Variants in DDC observed in about 807,000 individuals in gnomAD.
DDC encodes the protein dopa decarboxylase.
DDC carries 43 observed loss-of-function variants against 60.0 expected under a neutral mutation model. That is an observed-to-expected ratio of 0.72 (90% confidence interval 0.56 to 0.92). The LOEUF is 0.92. DDC is among the 40% of genes least tolerant of loss of function. DDC has a pLI of 0.00. For synonymous variants in DDC, 232 were observed against 234.6 expected (o/e 0.99, Z 0.10); for missense variants, 573 against 620.2 (o/e 0.92, Z 0.81).
intron 4 of DDC, among the ~76,000 whole-genome samples, chr7:50,534,722 G>T (rs1431041980): frequency 6.6e-6 from 1 of 152,232 alleles, no homozygotes; most frequent in East Asian, 1.9e-4. Flanking sequence ...GAGGCCTCTT[G>T]TAAAGGGTTA....
rs554338149 is a variant in DDC at position 50,492,711 on chromosome 7, C to T, written c.944+2639G>A. 1.9e-4 allele frequency: 161 copies of T among 832,298 alleles called. No homozygotes were observed. The African/African-American group carries it at 3.4e-3, about 18-fold the overall frequency. 51.6% of individuals were successfully genotyped at this position (832,298 alleles called of 1,614,324 possible). ...TTTCCAAATGGCCTTTTCCAAATGG[C>T]CTGGCCTCATCCCTGTGTGTCCTGT... On this transcript the variant is annotated intron_variant, in intron 9 of 14. Transcript: ENST00000444124.
At chr7:50,471,282 C>T (rs547818490) in intron 11 of DDC, among the ~76,000 whole-genome samples, 1 of 152,266 alleles carries the variant, frequency 6.6e-6, no homozygotes, top group African/African-American at 2.4e-5. Context: ...ATCCCATCTA[C>T]TTGGGAAGCT....
At chr7:50,510,380 G>GT (rs2043520943) in intron 6 of DDC, among the ~76,000 whole-genome samples, 1 of 152,094 alleles carries the variant, frequency 6.6e-6, no homozygotes, top group South Asian at 2.1e-4. Context: ...AAGAAAGAAT[G>GT]TAAGTAGGCC....
intron 9 of DDC, among the ~76,000 whole-genome samples, chr7:50,488,299 T>C (rs535573373): frequency 2.0e-5 from 3 of 151,998 alleles, no homozygotes; most frequent in Non-Finnish European, 4.4e-5. Flanking sequence ...AAAATGTTTT[T>C]CTGAAAAACA....
chr7:50,467,822 A>G (rs11575520), intron 12 of DDC, among the ~76,000 whole-genome samples: 101,197 of 152,114 alleles, frequency 0.67, 33,938 homozygotes, highest in Admixed American at 0.74. Context: ...TGGCTGAGCT[A>G]GGATTCTAAG....
At chr7:50,534,660 AC>A (rs2044333532) in intron 4 of DDC, among the ~76,000 whole-genome samples, 2 of 152,114 alleles carry the variant, frequency 1.3e-5, no homozygotes, top group Non-Finnish European at 1.5e-5. Context: ...GGAAAAGTAG[AC>A]CTTGTCCCGT....
intron 1 of DDC, among the ~76,000 whole-genome samples, chr7:50,548,471 A>G (rs1455204050): frequency 6.6e-6 from 1 of 152,216 alleles, no homozygotes; most frequent in Non-Finnish European, 1.5e-5. Context: ...TGATATGGAG[A>G]GTATTTTAAT....
intron 9 of DDC, among the ~76,000 whole-genome samples, chr7:50,488,244 T>C (rs2042927112): frequency 6.6e-6 from 1 of 151,872 alleles, no homozygotes; most frequent in Admixed American, 6.6e-5. Context: ...ATAATAGATA[T>C]TGCTTAAATG....
chr7:50,559,123 T>G (rs1364660685), intron 1 of DDC, among the ~76,000 whole-genome samples: 1 of 152,202 alleles, frequency 6.6e-6, no homozygotes, highest in Non-Finnish European at 1.5e-5. Context: ...AAACTTCACA[T>G]CAGCTCTGCA....
At chr7:50,558,751 T>A (rs929164336) in intron 1 of DDC, among the ~76,000 whole-genome samples, 1 of 152,200 alleles carries the variant, frequency 6.6e-6, no homozygotes, top group Admixed American at 6.5e-5. Flanking sequence ...ACCTCCACTG[T>A]CAGCTGCCTG....
chr7:50,499,139 T>A lies in DDC; in HGVS notation c.876+9A>T, dbSNP rs1338310124. ...AAACAGCCTTAGGGAGAGCGAAGGG[T>A]GCACCTACCTCCACTCCATTCAGAA... is the stretch of plus-strand genomic sequence containing the variant. On this transcript the variant is annotated intron_variant, in intron 8 of 14. Coordinates refer to ENST00000444124, the MANE Select transcript of DDC (RefSeq NM_001082971.2). 6.2e-7 allele frequency: 1 copy of A among 1,603,484 alleles called. No homozygotes were observed.
intron 6 of DDC, among the ~76,000 whole-genome samples, chr7:50,526,385 T>C (rs1318664869): frequency 6.6e-6 from 1 of 152,134 alleles, no homozygotes; most frequent in African/African-American, 2.4e-5. Flanking sequence ...AAAGACACTT[T>C]CAGATTAACA....
At position 50,503,992 on chromosome 7, in the gene DDC, C is replaced by G; in HGVS notation, c.781+1G>C. The G allele has an allele frequency of 6.2e-7, 1 of 1,611,712 alleles. No homozygotes were observed. Among genetic ancestry groups the G allele is most frequent in the Non-Finnish European group, 8.5e-7 (1 of 1,177,734 alleles). Reference sequence around the variant, plus strand: ...AAAAGAAAATGGAATCGGATACTTACAGATAGGACCGACTTCTAAGAGATT... The same window carrying G: ...AAAAGAAAATGGAATCGGATACTTAGAGATAGGACCGACTTCTAAGAGATT... On this transcript the variant is annotated splice_donor_variant, in intron 7 of 14. Transcript: ENST00000444124. LOFTEE classifies it high-confidence loss of function.
intron 13 of DDC, among the ~76,000 whole-genome samples, chr7:50,464,662 C>T (rs1281358123): frequency 6.6e-6 from 1 of 152,162 alleles, no homozygotes; most frequent in African/African-American, 2.4e-5. Context: ...GGCAAGAAGC[C>T]TAGCAGAGGT....
At chr7:50,477,341 G>T (rs1448734147) in intron 10 of DDC, among the ~76,000 whole-genome samples, 1 of 152,220 alleles carries the variant, frequency 6.6e-6, no homozygotes, top group South Asian at 2.1e-4. Context: ...ATCAGGTGAG[G>T]ATTATGACAA....
chr7:50,487,710 A>G (rs2042915765), intron 9 of DDC, among the ~76,000 whole-genome samples: 1 of 152,164 alleles, frequency 6.6e-6, no homozygotes, highest in African/African-American at 2.4e-5. Context: ...AATTTAGTAA[A>G]TAATCCAAAT....
At chr7:50,467,439 A>G (rs1301805323) in intron 12 of DDC, 124 bp from the exon 13 acceptor site, 10 of 797,704 alleles carry the variant, frequency 1.3e-5, no homozygotes, top group Non-Finnish European at 2.1e-6. Flanking sequence ...AATTTTCCTC[A>G]AGTGCTTTTA....
Position 50,479,803 on chromosome 7 carries a change from G to A in DDC, c.1005C>T (p.His335=), listed in dbSNP as rs748632382. Residue 335 remains histidine, a synonymous_variant, in exon 10 of 15, where the codon CAC becomes CAT. Transcript: ENST00000444124. ...AFRLDPTYLK[H]SHQDSGLITD... ...ACAGCTTACCTGAATCCTGATGGCT[G>A]TGCTTCAGGTAAGTGGGGTCCAGTC... 6.2e-7 allele frequency: 1 copy of A among 1,613,562 alleles called. No homozygotes were observed. Among genetic ancestry groups the A allele is most frequent in the East Asian group, 2.2e-5 (1 of 44,882 alleles).
intron 6 of DDC, among the ~76,000 whole-genome samples, chr7:50,516,971 A>G (rs1371308268): frequency 6.6e-6 from 1 of 152,170 alleles, no homozygotes; most frequent in African/African-American, 2.4e-5. Flanking sequence ...AAGACGAGAC[A>G]GATTCACAGC....
Sources: allele counts gnomAD v4.1 joint callset (sites outside exome capture counted in the v4.1 genomes callset), GRCh38; gene constraint gnomAD v4.1.1; transcripts MANE v1.5; gene names NCBI Gene and HGNC (gene_info 2026-07-23, HGNC 2026-07-21).